Variants in KATNAL1 observed in about 807,000 individuals in gnomAD.
KATNAL1 encodes the protein katanin catalytic subunit A1 like 1.
Under a neutral mutation model 55.2 loss-of-function variants are expected in KATNAL1, and 32 were observed. That is an observed-to-expected ratio of 0.58 (90% CI 0.44 to 0.78). The LOEUF is 0.78. Ranked by LOEUF, KATNAL1 falls within the 30% of genes least tolerant of loss-of-function variation. The pLI is 0.00. For synonymous variants in KATNAL1, 193 were observed against 193.6 expected (o/e 1.00, Z 0.02); for missense variants, 466 against 600.9 (o/e 0.78, Z 2.35).
intron 8 of KATNAL1, 113 bp from the exon 9 acceptor site, chr13:30,227,659 G>T: frequency 1.9e-6 from 2 of 1,080,816 alleles, no homozygotes; most frequent in Non-Finnish European, 2.6e-6. Flanking sequence ...AGAAAGTGCA[G>T]TCCTGACCTC....
rs186467346 is a variant in KATNAL1, at chr13:30,210,061, C to A, written c.1274+255G>T. Among the ~76,000 whole-genome samples the A allele has an allele frequency of 2.5e-4, 38 of 152,176 alleles. 1 individual carries two copies. The East Asian group carries it at 6.6e-3, about 26-fold the overall frequency. ...CCTCCCAAAGTGCTGGGATTAGAGG[C>A]GTAAGCCACCGACACAACAATTTCT... is the stretch of plus-strand genomic sequence containing the variant. On this transcript the variant is annotated intron_variant, in intron 10 of 10. Transcript: ENST00000380615.
chr13:30,260,583 C>A (rs1282807639), intron 3 of KATNAL1, among the ~76,000 whole-genome samples: 2 of 152,042 alleles, frequency 1.3e-5, no homozygotes, highest in Non-Finnish European at 2.9e-5. Context: ...GCAGAAGCCT[C>A]AGGAGCCGAT....
At position 30,244,356 on chromosome 13, in the gene KATNAL1, C is replaced by A. The variant is rs1444448625; in HGVS notation, c.493-3270G>T. 4.6e-5 allele frequency among the ~76,000 whole-genome samples: 7 copies of A among 152,204 alleles called. No homozygotes were observed. The South Asian group carries it at 1.5e-3, about 32-fold the overall frequency. ...ATGGGCATTTGGGTTGGTTCCAAGT[C>A]TTTGCTATTGTGAATAGTGCTGCAA... On this transcript the variant is annotated intron_variant, in intron 4 of 10. Transcript: ENST00000380615.
At chr13:30,242,505 C>T (rs889008113) in intron 4 of KATNAL1, among the ~76,000 whole-genome samples, 1 of 151,974 alleles carries the variant, frequency 6.6e-6, no homozygotes, top group Non-Finnish European at 1.5e-5. Flanking sequence ...GTGGGGGAAA[C>T]GAGTAACAAG....
chr13:30,218,106 AGAAT>A (rs2137360545), intron 9 of KATNAL1, among the ~76,000 whole-genome samples: 1 of 152,192 alleles, frequency 6.6e-6, no homozygotes, highest in South Asian at 2.1e-4. Flanking sequence ...TGCGTGCAGC[AGAAT>A]GGGGGAAAAA....
At chr13:30,256,482 C>G (rs1878800141) in intron 3 of KATNAL1, among the ~76,000 whole-genome samples, 1 of 152,110 alleles carries the variant, frequency 6.6e-6, no homozygotes, top group African/African-American at 2.4e-5. Context: ...ATGTATGTAT[C>G]TGTAGCCCTC....
At chr13:30,298,026 A>C (rs1882629206) in intron 1 of KATNAL1, among the ~76,000 whole-genome samples, 1 of 152,238 alleles carries the variant, frequency 6.6e-6, no homozygotes, top group Admixed American at 6.5e-5. Context: ...AAAAGTTAAA[A>C]ATTTTTAAAG....
chr13:30,236,073 G>T (rs1415483780), intron 6 of KATNAL1, among the ~76,000 whole-genome samples: 1 of 152,158 alleles, frequency 6.6e-6, no homozygotes, highest in African/African-American at 2.4e-5. Context: ...GGAGGAGAAG[G>T]AAAAGGAGGG....
chr13:30,215,240 A>G (rs1167328069), intron 9 of KATNAL1, among the ~76,000 whole-genome samples: 1 of 152,066 alleles, frequency 6.6e-6, no homozygotes, highest in African/African-American at 2.4e-5. Context: ...ATCTCACACC[A>G]GTTAGAATGG....
intron 4 of KATNAL1, among the ~76,000 whole-genome samples, chr13:30,242,068 A>G (rs1877334668): frequency 1.3e-5 from 2 of 152,176 alleles, no homozygotes; most frequent in Non-Finnish European, 2.9e-5. Context: ...AACAAACTTA[A>G]GCTTAGGCTA....
chr13:30,267,256 AATG>A (rs1879849669), intron 3 of KATNAL1, among the ~76,000 whole-genome samples: 1 of 152,228 alleles, frequency 6.6e-6, no homozygotes, highest in African/African-American at 2.4e-5. Flanking sequence ...CTTGACGAAC[AATG>A]ATATTTTTTC....
At chr13:30,228,743 G>A (rs1875770450) in intron 8 of KATNAL1, among the ~76,000 whole-genome samples, 1 of 152,046 alleles carries the variant, frequency 6.6e-6, no homozygotes, top group Non-Finnish European at 1.5e-5. Context: ...CTTGGATATT[G>A]TTGGTGTTTT....
intron 4 of KATNAL1, among the ~76,000 whole-genome samples, chr13:30,254,887 G>T (rs911919673): frequency 5.3e-5 from 8 of 152,008 alleles, no homozygotes; most frequent in African/African-American, 1.7e-4. Flanking sequence ...TCCATTTTAA[G>T]GGAAGTACAA....
chr13:30,230,903 T>A (rs1479417111), intron 7 of KATNAL1, among the ~76,000 whole-genome samples: 3 of 152,160 alleles, frequency 2.0e-5, no homozygotes, highest in African/African-American at 7.2e-5. Flanking sequence ...ACCTCAATCC[T>A]CAAATATACA....
At chr13:30,270,537 A>G (rs1481539843) in intron 3 of KATNAL1, among the ~76,000 whole-genome samples, 31 of 152,134 alleles carry the variant, frequency 2.0e-4, no homozygotes, top group Non-Finnish European at 4.6e-4. Context: ...CTGTGTAGAA[A>G]GAGGTAGACA....
intron 2 of KATNAL1, among the ~76,000 whole-genome samples, chr13:30,280,967 G>A (rs893339752): frequency 6.6e-5 from 10 of 151,768 alleles, no homozygotes; most frequent in African/African-American, 9.7e-5. Flanking sequence ...AAAAAAATTA[G>A]TCCAGGCATG....
chr13:30,289,473 T>C (rs1241590816), intron 1 of KATNAL1, among the ~76,000 whole-genome samples: 2 of 152,224 alleles, frequency 1.3e-5, no homozygotes, highest in African/African-American at 4.8e-5. Context: ...ATTTTTATTT[T>C]CTAATTTTGT....
chr13:30,244,555 G>A (rs369066127), intron 4 of KATNAL1, among the ~76,000 whole-genome samples: 25 of 152,240 alleles, frequency 1.6e-4, no homozygotes, highest in Non-Finnish European at 2.5e-4. Context: ...GTGTAAAAGC[G>A]TTCCTATTTC....
chr13:30,263,069 A>G (rs1335295312), intron 3 of KATNAL1, among the ~76,000 whole-genome samples: 20 of 152,308 alleles, frequency 1.3e-4, no homozygotes, highest in African/African-American at 4.8e-4. Flanking sequence ...TTCAATATAC[A>G]CAAATCAATA....
Sources: allele counts gnomAD v4.1 joint callset (sites outside exome capture counted in the v4.1 genomes callset), GRCh38; gene constraint gnomAD v4.1.1; transcripts MANE v1.5; gene names NCBI Gene and HGNC (gene_info 2026-07-23, HGNC 2026-07-21).